The following METTL15 variants were observed in gnomAD, a reference collection of about 807,000 sequenced individuals.
The protein encoded by METTL15 is 12S rRNA N(4)-cytidine methyltransferase METTL15.
A neutral mutation model predicts 38.3 loss-of-function variants in METTL15; 34 were observed. The ratio of observed to expected loss-of-function variants is 0.89; its 90% confidence interval spans 0.68 to 1.18. The LOEUF is 1.18. Ranked by LOEUF, METTL15 falls within the 50% of genes most tolerant of loss-of-function variation. METTL15 has a pLI of 0.00. For synonymous variants in METTL15, 162 were observed against 170.9 expected (o/e 0.95, Z 0.41); for missense variants, 438 against 498.4 (o/e 0.88, Z 1.15).
chr11:28,128,944 G>T (rs759073146), intron 3 of METTL15, among the ~76,000 whole-genome samples: 4 of 151,906 alleles, frequency 2.6e-5, no homozygotes, highest in Non-Finnish European at 2.9e-5. Flanking sequence ...CTCTTTGTTA[G>T]GTTAATTTAT....
intron 4 of METTL15, among the ~76,000 whole-genome samples, chr11:28,251,163 G>A (rs1224110876): frequency 6.6e-6 from 1 of 151,992 alleles, no homozygotes; most frequent in South Asian, 2.1e-4. Flanking sequence ...AAGCAAATTT[G>A]AAGAGATGGC....
chr11:28,378,523 G>C (rs1416670477), intron 5 of METTL15, among the ~76,000 whole-genome samples: 1 of 152,182 alleles, frequency 6.6e-6, no homozygotes, highest in African/African-American at 2.4e-5. Flanking sequence ...CTCGTGCACG[G>C]TGCGTGCACC....
intron 4 of METTL15, among the ~76,000 whole-genome samples, chr11:28,248,093 A>G (rs1217705564): frequency 1.3e-5 from 2 of 152,132 alleles, no homozygotes; most frequent in African/African-American, 4.8e-5. Context: ...CACTGGTTTA[A>G]AAACCTTCAG....
intron 6 of METTL15, among the ~76,000 whole-genome samples, chr11:28,321,699 C>T (rs1050964799): frequency 9.9e-5 from 15 of 151,658 alleles, no homozygotes; most frequent in African/African-American, 2.9e-4. Flanking sequence ...CATTGGAATA[C>T]GCAAGATAAT....
intron 6 of METTL15, among the ~76,000 whole-genome samples, chr11:28,307,727 T>C (rs1814687988): frequency 6.6e-6 from 1 of 151,982 alleles, no homozygotes; most frequent in African/African-American, 2.4e-5. Flanking sequence ...GACTTAACCA[T>C]CAGGTATTTA....
chr11:28,203,356 A>G (rs1852186575), intron 3 of METTL15, among the ~76,000 whole-genome samples: 1 of 152,090 alleles, frequency 6.6e-6, no homozygotes. Flanking sequence ...TTGGAGACTT[A>G]ATTAGCAGGT....
At chr11:28,233,026 G>A (rs935247981) in intron 4 of METTL15, among the ~76,000 whole-genome samples, 2 of 152,022 alleles carry the variant, frequency 1.3e-5, no homozygotes, top group African/African-American at 4.8e-5. Flanking sequence ...AATTGAAGCG[G>A]ACAACAAAAT....
chr11:28,123,974 T>C, intron 3 of METTL15: 1 of 958,888 alleles, frequency 1.0e-6, no homozygotes, highest in Non-Finnish European at 1.4e-6. Context: ...TAGAGTTGTA[T>C]AAGATTTTAC....
At chr11:28,479,213 C>A (rs1037616055) in intron 6 of METTL15, among the ~76,000 whole-genome samples, 1 of 50,130 alleles carries the variant, frequency 2.0e-5, no homozygotes, top group Non-Finnish European at 4.9e-5. Context: ...TATTGAGTGC[C>A]TACTGTATGT....
At chr11:28,124,956 G>GGAGAAAAACTTTAGTAGAAAAACTAGAAA (rs1852411300) in intron 3 of METTL15, among the ~76,000 whole-genome samples, 1 of 152,084 alleles carries the variant, frequency 6.6e-6, no homozygotes, top group South Asian at 2.1e-4. Flanking sequence ...AGAAAAACTT[G>GGAGAAAAACTTTAGTAGAAAAACTAGAAA]ATTTTTCTCC....
chr11:28,338,075 C>A (rs74915991), downstream of METTL15, among the ~76,000 whole-genome samples: 1 of 142,506 alleles, frequency 7.0e-6, no homozygotes, highest in African/African-American at 2.6e-5. Context: ...ATCTTTGCTT[C>A]TTTTTTTTTT....
intron 6 of METTL15, among the ~76,000 whole-genome samples, chr11:28,312,391 T>A (rs1264238114): frequency 1.3e-5 from 2 of 152,142 alleles, no homozygotes; most frequent in Non-Finnish European, 2.9e-5. Context: ...TGGAAAACAT[T>A]AGTCTAGAGC....
intron 6 of METTL15, among the ~76,000 whole-genome samples, chr11:28,300,200 CT>C (rs1254567196): frequency 1.3e-5 from 2 of 152,060 alleles, no homozygotes; most frequent in African/African-American, 4.8e-5. Flanking sequence ...TTTTGGCAAG[CT>C]ATAATATGCA....
At chr11:28,325,247 GC>G (rs1849596145) in intron 6 of METTL15, among the ~76,000 whole-genome samples, 1 of 152,148 alleles carries the variant, frequency 6.6e-6, no homozygotes, top group Admixed American at 6.5e-5. Flanking sequence ...GAAGTTATAT[GC>G]CTTTGCTCTG....
intron 4 of METTL15, among the ~76,000 whole-genome samples, chr11:28,277,804 A>G (rs1288603164): frequency 6.6e-6 from 1 of 152,148 alleles, no homozygotes; most frequent in Admixed American, 6.6e-5. Context: ...GCACATAAAG[A>G]CAAATATTGT....
At chr11:28,489,515 T>C (rs1284937996) in intron 6 of METTL15, among the ~76,000 whole-genome samples, 3 of 152,046 alleles carry the variant, frequency 2.0e-5, no homozygotes, top group Non-Finnish European at 4.4e-5. Flanking sequence ...TCAAAGAGTA[T>C]AAATCCATAG....
intron 3 of METTL15, among the ~76,000 whole-genome samples, chr11:28,142,616 T>A (rs565067031): frequency 6.6e-6 from 1 of 152,052 alleles, no homozygotes; most frequent in Non-Finnish European, 1.5e-5. Context: ...TTATTTAACG[T>A]GAAAGCCCAT....
intron 3 of METTL15, among the ~76,000 whole-genome samples, chr11:28,158,105 G>A (rs1052548856): frequency 2.0e-5 from 3 of 152,108 alleles, no homozygotes; most frequent in African/African-American, 7.2e-5. Flanking sequence ...GGATGGTCCG[G>A]GACTTGGAAG....
intron 5 of METTL15, among the ~76,000 whole-genome samples, chr11:28,376,605 C>G (rs552419758): frequency 1.3e-5 from 2 of 152,170 alleles, no homozygotes; most frequent in Non-Finnish European, 2.9e-5. Flanking sequence ...GGTCTTGACT[C>G]TTTATCCAAT....
Sources: gnomAD v4.1 joint callset for allele counts (sites outside exome capture counted in the v4.1 genomes callset) on GRCh38, gnomAD v4.1.1 for gene constraint, MANE v1.5 for transcripts, NCBI Gene and HGNC (gene_info 2026-07-23, HGNC 2026-07-21) for gene names.